Variants in GRM1 observed in about 807,000 individuals in gnomAD.
GRM1 encodes metabotropic glutamate receptor 1.
In GRM1, 33 loss-of-function variants were observed where a neutral mutation model predicts 90.9. The observed-to-expected ratio is 0.36, with a 90% CI of 0.28 to 0.49. The LOEUF (loss-of-function observed/expected upper bound fraction) is 0.49. Among genes scored for constraint, GRM1 ranks in the 20% least tolerant of loss-of-function variants. The pLI, the probability that GRM1 is intolerant of heterozygous loss-of-function variation, is 0.99. For missense variants in GRM1, 1,190 were observed against 1,534.3 expected (o/e 0.78, Z 3.75); for synonymous variants, 700 against 613.2 (o/e 1.14, Z -2.09).
intron 2 of GRM1, among the ~76,000 whole-genome samples, chr6:146,214,262 A>G (rs142627369): frequency 1.3e-5 from 2 of 152,358 alleles, no homozygotes; most frequent in Non-Finnish European, 2.9e-5. Context: ...CTATATGCAA[A>G]GAAGATAGTA....
chr6:146,074,384 C>G (rs557395595), intron 1 of GRM1, among the ~76,000 whole-genome samples: 4 of 152,174 alleles, frequency 2.6e-5, no homozygotes, highest in Non-Finnish European at 4.4e-5. Flanking sequence ...CTTCCGTGCT[C>G]CCTTGCCTCT....
At chr6:146,249,471 C>T (rs1781195803) in intron 2 of GRM1, among the ~76,000 whole-genome samples, 1 of 152,280 alleles carries the variant, frequency 6.6e-6, no homozygotes, top group African/African-American at 2.4e-5. Context: ...AGCTTCAGAG[C>T]ATGCAGGCCA....
intron 5 of GRM1, among the ~76,000 whole-genome samples, chr6:146,382,288 A>G (rs2328743): frequency 0.43 from 65,288 of 150,350 alleles, 14,304 homozygotes; most frequent in African/African-American, 0.5. Flanking sequence ...GGGGGAAACT[A>G]GAACATATAT....
intron 2 of GRM1, among the ~76,000 whole-genome samples, chr6:146,243,416 G>T (rs1182396533): frequency 6.6e-6 from 1 of 152,182 alleles, no homozygotes; most frequent in Admixed American, 6.6e-5. Flanking sequence ...GAATGTTCTT[G>T]TGTCTGCCTT....
intron 2 of GRM1, among the ~76,000 whole-genome samples, chr6:146,220,656 C>A (rs1286676846): frequency 1.3e-5 from 2 of 151,978 alleles, no homozygotes; most frequent in Non-Finnish European, 2.9e-5. Flanking sequence ...CCTTTATATT[C>A]TTTCCTTCTT....
chr6:146,050,471 A>G (rs1038021725), intron 1 of GRM1, among the ~76,000 whole-genome samples: 2 of 152,060 alleles, frequency 1.3e-5, no homozygotes, highest in African/African-American at 4.8e-5. Context: ...ACTCCTGGAA[A>G]TGATGATAAA....
intron 2 of GRM1, among the ~76,000 whole-genome samples, chr6:146,290,400 A>AT (rs1234385008): frequency 6.6e-6 from 1 of 152,234 alleles, no homozygotes; most frequent in Admixed American, 6.5e-5. Flanking sequence ...GAAATGAAGC[A>AT]TAACTGTCAG....
intron 3 of GRM1, among the ~76,000 whole-genome samples, chr6:146,308,541 A>G (rs1783661185): frequency 6.6e-6 from 1 of 152,192 alleles, no homozygotes; most frequent in Non-Finnish European, 1.5e-5. Flanking sequence ...ACTAGAAAAA[A>G]CAAGACAACA....
chr6:146,384,925 T>C (rs796326173), intron 5 of GRM1, among the ~76,000 whole-genome samples: 5 of 152,006 alleles, frequency 3.3e-5, no homozygotes, highest in African/African-American at 9.6e-5. Flanking sequence ...CTGAAAAACA[T>C]AGCAATAGGA....
intron 1 of GRM1, among the ~76,000 whole-genome samples, chr6:146,044,165 TTCTG>T (rs1303733694): frequency 1.3e-5 from 2 of 151,946 alleles, no homozygotes; most frequent in East Asian, 1.9e-4. Context: ...GGCTGAAACA[TTCTG>T]TCTTTCTTCC....
intron 1 of GRM1, among the ~76,000 whole-genome samples, chr6:146,106,348 A>G (rs1274333815): frequency 2.0e-5 from 3 of 152,316 alleles, no homozygotes; most frequent in East Asian, 3.9e-4. Flanking sequence ...CCCTTAAGAT[A>G]CCTTTGTGGA....
intron 2 of GRM1, among the ~76,000 whole-genome samples, chr6:146,266,073 C>A (rs1458936860): frequency 6.6e-6 from 1 of 151,964 alleles, no homozygotes; most frequent in Non-Finnish European, 1.5e-5. Context: ...CCTGTAATCC[C>A]AGCTACTTGG....
At chr6:146,050,490 C>T (rs898485859) in intron 1 of GRM1, among the ~76,000 whole-genome samples, 26 of 152,060 alleles carry the variant, frequency 1.7e-4, no homozygotes, top group African/African-American at 3.1e-4. Context: ...AAAAGACATG[C>T]CTTCTTTTCT....
At chr6:146,284,584 G>A (rs921266680) in intron 2 of GRM1, among the ~76,000 whole-genome samples, 2 of 152,172 alleles carry the variant, frequency 1.3e-5, no homozygotes, top group Admixed American at 6.5e-5. Context: ...GACCTGGTGG[G>A]AGGTGATTGA....
chr6:146,387,418 A>G (rs1441716244), intron 6 of GRM1, among the ~76,000 whole-genome samples: 3 of 152,084 alleles, frequency 2.0e-5, no homozygotes, highest in African/African-American at 7.2e-5. Context: ...TATAAAATCT[A>G]TCAGGGAAGA....
chr6:146,432,577 A>G (rs967503111), intron 7 of GRM1, among the ~76,000 whole-genome samples: 1 of 152,228 alleles, frequency 6.6e-6, no homozygotes, highest in South Asian at 2.1e-4. Flanking sequence ...AAAGAAAAAA[A>G]TGTCCATTTT....
At chr6:146,316,249 C>T (rs1783961178) in intron 3 of GRM1, among the ~76,000 whole-genome samples, 1 of 152,220 alleles carries the variant, frequency 6.6e-6, no homozygotes. Context: ...AACTTTACAT[C>T]TATCTGACTT....
intron 2 of GRM1, among the ~76,000 whole-genome samples, chr6:146,279,281 T>C (rs1306083746): frequency 6.6e-6 from 1 of 152,158 alleles, no homozygotes; most frequent in Admixed American, 6.5e-5. Context: ...TAAATGCTGC[T>C]AATAATTTCA....
Position 146,140,730 on chromosome 6 carries a change from T to G in GRM1, c.701-18618T>G, listed in dbSNP as rs139540747. On this transcript the variant is annotated intron_variant, in intron 1 of 7. Coordinates refer to ENST00000282753, the MANE Select transcript of GRM1 (RefSeq NM_001278064.2). The stretch of plus-strand genomic sequence containing the variant: ...AAAAACTCTACGCTTCAATTTTGTC[T>G]GCTTTTTAACTTTGTTGAAAAAGTT... 2.9e-4 allele frequency among the ~76,000 whole-genome samples: 44 copies of G among 152,392 alleles called. No individual in the cohort carries two copies. In the East Asian group the frequency reaches 7.9e-3, roughly 27 times the overall value.
Sources: allele counts gnomAD v4.1 joint callset (sites outside exome capture counted in the v4.1 genomes callset), GRCh38; gene constraint gnomAD v4.1.1; transcripts MANE v1.5; gene names NCBI Gene and HGNC (gene_info 2026-07-23, HGNC 2026-07-21).